Variants in HPSE2 observed in about 807,000 individuals in gnomAD.
HPSE2 encodes heparanase 2 (inactive).
HPSE2 carries 38 observed loss-of-function variants against 60.5 expected under a neutral mutation model. The observed-to-expected ratio is 0.63, with a 90% confidence interval of 0.48 to 0.82. HPSE2 has a LOEUF of 0.82. Among genes scored for constraint, HPSE2 ranks in the 40% least tolerant of loss-of-function variants. HPSE2 has a pLI of 0.00. For missense variants in HPSE2, 713 were observed against 740.4 expected (o/e 0.96, Z 0.43); for synonymous variants, 295 against 293.2 (o/e 1.01, Z -0.06).
intron 2 of HPSE2, among the ~76,000 whole-genome samples, chr10:99,231,317 C>T (rs1387345114): frequency 6.6e-6 from 1 of 152,060 alleles, no homozygotes; most frequent in East Asian, 1.9e-4. Context: ...GTCCCTGAGC[C>T]CTTTACATAT....
At chr10:98,999,705 A>G (rs941218438) in intron 3 of HPSE2, among the ~76,000 whole-genome samples, 4 of 152,176 alleles carry the variant, frequency 2.6e-5, no homozygotes, top group African/African-American at 9.7e-5. Flanking sequence ...GCCCAAACAA[A>G]AGACCAGTTA....
the HPSE2 span, among the ~76,000 whole-genome samples, chr10:99,311,372 T>G: frequency 6.6e-6 from 1 of 152,244 alleles, no homozygotes; most frequent in East Asian, 1.9e-4. Flanking sequence ...TTAATGCCAT[T>G]TTTCCAACAA....
chr10:99,167,995 T>C (rs1847151994), intron 2 of HPSE2, among the ~76,000 whole-genome samples: 1 of 151,956 alleles, frequency 6.6e-6, no homozygotes, highest in African/African-American at 2.4e-5. Flanking sequence ...GGAAGTTCCT[T>C]ACTCTTCCAG....
chr10:99,164,837 G>A (rs1473372470), intron 2 of HPSE2, among the ~76,000 whole-genome samples: 1 of 152,090 alleles, frequency 6.6e-6, no homozygotes, highest in African/African-American at 2.4e-5. Flanking sequence ...TGTAATCCCA[G>A]CACTTTGGGA....
intron 3 of HPSE2, among the ~76,000 whole-genome samples, chr10:99,061,719 C>A (rs1170432375): frequency 6.6e-6 from 1 of 152,228 alleles, no homozygotes; most frequent in Non-Finnish European, 1.5e-5. Context: ...GCCCTTGGCT[C>A]TGCCAATTAC....
chr10:98,727,058 G>A (rs1949103122), intron 4 of HPSE2, among the ~76,000 whole-genome samples: 1 of 151,824 alleles, frequency 6.6e-6, no homozygotes, highest in South Asian at 2.1e-4. Flanking sequence ...ACCCCCAGGA[G>A]ACTTGTCTTA....
intron 3 of HPSE2, among the ~76,000 whole-genome samples, chr10:99,023,498 G>A (rs1957309797): frequency 6.6e-6 from 1 of 152,100 alleles, no homozygotes; most frequent in African/African-American, 2.4e-5. Context: ...GCCCTTGCAT[G>A]AACATAGGAG....
At chr10:98,791,789 T>A (rs1414971) in intron 3 of HPSE2, among the ~76,000 whole-genome samples, 63,354 of 152,026 alleles carry the variant, frequency 0.42, 14,631 homozygotes, top group South Asian at 0.56. Context: ...TGCCTGACAT[T>A]CCACAGCTAG....
intron 6 of HPSE2, among the ~76,000 whole-genome samples, chr10:98,674,924 C>A (rs1327085808): frequency 6.6e-6 from 1 of 152,084 alleles, no homozygotes; most frequent in Non-Finnish European, 1.5e-5. Context: ...ATAGCAAATT[C>A]AAAGAGGCAC....
intron 2 of HPSE2, among the ~76,000 whole-genome samples, chr10:99,178,779 A>G (rs1384055344): frequency 6.6e-6 from 1 of 152,206 alleles, no homozygotes; most frequent in African/African-American, 2.4e-5. Flanking sequence ...TGAGCCCAAC[A>G]TCATTCTGAT....
chr10:98,889,259 T>G (rs1028494168), intron 3 of HPSE2, among the ~76,000 whole-genome samples: 2 of 152,084 alleles, frequency 1.3e-5, no homozygotes, highest in Non-Finnish European at 2.9e-5. Flanking sequence ...TTGGGCTGAC[T>G]GCAACCTCTG....
At chr10:99,304,385 T>C in the HPSE2 span, among the ~76,000 whole-genome samples, 1 of 152,232 alleles carries the variant, frequency 6.6e-6, no homozygotes, top group African/African-American at 2.4e-5. Context: ...TGCCCTGAGC[T>C]GCTACTCTCT....
the HPSE2 span, among the ~76,000 whole-genome samples, chr10:99,245,401 A>C: frequency 6.6e-6 from 1 of 152,364 alleles, no homozygotes; most frequent in South Asian, 2.1e-4. Context: ...AATGAGGAGA[A>C]ATAGGTCAGA....
At chr10:98,855,655 A>G (rs144156684) in intron 3 of HPSE2, among the ~76,000 whole-genome samples, 49 of 152,242 alleles carry the variant, frequency 3.2e-4, no homozygotes, top group Non-Finnish European at 6.2e-4. Flanking sequence ...AGTCAACCAG[A>G]ATGAAACAAA....
chr10:99,072,189 C>T (rs1842813198), intron 3 of HPSE2, among the ~76,000 whole-genome samples: 1 of 152,012 alleles, frequency 6.6e-6, no homozygotes, highest in Admixed American at 6.6e-5. Flanking sequence ...ATTTTAATAA[C>T]ATGAAGTCTT....
chr10:98,966,463 T>A (rs552768479), intron 3 of HPSE2, among the ~76,000 whole-genome samples: 1 of 152,320 alleles, frequency 6.6e-6, no homozygotes, highest in South Asian at 2.1e-4. Flanking sequence ...CCATATTTTT[T>A]AAACAGGTAC....
At chr10:98,821,943 G>A (rs933174469) in intron 3 of HPSE2, among the ~76,000 whole-genome samples, 1 of 152,112 alleles carries the variant, frequency 6.6e-6, no homozygotes, top group East Asian at 1.9e-4. Context: ...GTTGTGAAAG[G>A]TGCTCAGTCT....
At chr10:99,097,678 C>T (rs1324409687) in intron 3 of HPSE2, among the ~76,000 whole-genome samples, 1 of 152,126 alleles carries the variant, frequency 6.6e-6, no homozygotes, top group African/African-American at 2.4e-5. Flanking sequence ...TATGTTGTAA[C>T]ACTACTGCAA....
At chr10:99,010,891 G>A (rs1314868469) in intron 3 of HPSE2, among the ~76,000 whole-genome samples, 2 of 152,076 alleles carry the variant, frequency 1.3e-5, no homozygotes, top group African/African-American at 4.8e-5. Flanking sequence ...GGGTACATGT[G>A]CAGGTTTGTC....
Sources: allele counts gnomAD v4.1 joint callset (sites outside exome capture counted in the v4.1 genomes callset), GRCh38; gene constraint gnomAD v4.1.1; transcripts MANE v1.5; gene names NCBI Gene and HGNC (gene_info 2026-07-23, HGNC 2026-07-21).